Variants in HMGA2 observed in about 807,000 individuals in gnomAD.
The protein encoded by HMGA2 is high mobility group AT-hook 2, also known as high mobility group protein HMGI-C.
Under a neutral mutation model 19.1 loss-of-function variants are expected in HMGA2, and 8 were observed. The ratio of observed to expected loss-of-function variants is 0.42; its 90% CI spans 0.25 to 0.76. HMGA2 has a LOEUF of 0.76. Among genes scored for constraint, HMGA2 ranks in the 30% least tolerant of loss-of-function variants. The pLI is 0.28. For synonymous variants in HMGA2, 60 were observed against 48.8 expected, an observed-to-expected ratio of 1.23 and a Z score of -0.96; for missense variants, 109 against 136.3, an observed-to-expected ratio of 0.80 and a Z score of 1.00.
chr12:65,944,521 AG>A (rs1369078692), intron 3 of HMGA2, among the ~76,000 whole-genome samples: 1 of 152,156 alleles, frequency 6.6e-6, no homozygotes, highest in Non-Finnish European at 1.5e-5. Flanking sequence ...AATAAGTGTA[AG>A]GGGAAGGATC....
intron 3 of HMGA2, among the ~76,000 whole-genome samples, chr12:65,938,886 A>G (rs375472703): frequency 6.6e-6 from 1 of 151,790 alleles, no homozygotes; most frequent in Non-Finnish European, 1.5e-5. Flanking sequence ...CCGGCCTCGA[A>G]CTCCTAGGTT....
At chr12:65,931,923 AT>A (rs952452926) in intron 3 of HMGA2, among the ~76,000 whole-genome samples, 3 of 152,224 alleles carry the variant, frequency 2.0e-5, no homozygotes, top group Non-Finnish European at 2.9e-5. Flanking sequence ...TCTCAAAAAA[AT>A]AAAATAAATT....
rs1255900445 is a variant in HMGA2, at chr12:65,914,530, G to T, written c.250-36853G>T. Among the ~76,000 whole-genome samples, 9 of 150,576 alleles carry T rather than the reference G, an allele frequency of 6.0e-5. No homozygotes were observed. The East Asian group carries it at 1.8e-3, about 30-fold the overall frequency. The stretch of plus-strand genomic sequence containing the variant: ...AGGGGGGAGGGATAGCATTGGGAGA[G>T]ATACCTAATGCTAGATGACGAGTTA... On this transcript the variant is annotated intron_variant, in intron 3 of 4. Transcript: ENST00000403681.
chr12:65,835,210 A>G (rs1175332080), intron 2 of HMGA2, among the ~76,000 whole-genome samples: 2 of 152,206 alleles, frequency 1.3e-5, no homozygotes, highest in Admixed American at 6.5e-5. Context: ...AGCCTCCTGA[A>G]TGTTTTGTTT....
At chr12:65,904,731 A>G (rs1469400577) in intron 3 of HMGA2, among the ~76,000 whole-genome samples, 1 of 152,238 alleles carries the variant, frequency 6.6e-6, no homozygotes, top group African/African-American at 2.4e-5. Context: ...ATAACTCTAC[A>G]GCCAAGTCAG....
At chr12:65,956,741 G>C (rs1832837871) in intron 4 of HMGA2, 1 of 152,100 alleles carries the variant, frequency 6.6e-6, no homozygotes, top group South Asian at 2.1e-4. Context: ...TCTGTGTGGG[G>C]AAGTCTGTGG....
Position 65,964,424 on chromosome 12 carries a change from C to T in HMGA2, c.*1132C>T, listed in dbSNP as rs1392175749. On this transcript the variant is annotated 3_prime_UTR_variant, in exon 5 of 5. Coordinates refer to ENST00000403681, the MANE Select transcript of HMGA2 (RefSeq NM_003483.6). ...TACCTCAAATTAAGCATATGTGTTA[C>T]TTCAAGTAATACGTTTTGACATAAG... The T allele has an allele frequency of 9.0e-6, 2 of 221,994 alleles. No homozygotes were observed. Among genetic ancestry groups the T allele is most frequent in the Non-Finnish European group, 1.8e-5 (2 of 110,760 alleles). 13.8% of individuals were successfully genotyped at this position (221,994 alleles called of 1,614,324 possible).
intron 3 of HMGA2, among the ~76,000 whole-genome samples, chr12:65,862,280 C>CAT (rs1307065472): frequency 6.7e-6 from 1 of 149,774 alleles, no homozygotes; most frequent in Non-Finnish European, 1.5e-5. Context: ...GCACCATACA[C>CAT]ACACACACAC....
intron 4 of HMGA2, chr12:65,952,700 C>T: frequency 3.4e-6 from 1 of 292,412 alleles, no homozygotes; most frequent in Non-Finnish European, 6.3e-6. Context: ...GCCTCTCATC[C>T]TTTAACTGTA....
At chr12:65,948,094 G>A (rs950860475) in intron 3 of HMGA2, among the ~76,000 whole-genome samples, 4 of 152,206 alleles carry the variant, frequency 2.6e-5, no homozygotes, top group African/African-American at 9.6e-5. Context: ...GATCTCAGAC[G>A]ATTATTTAAA....
chr12:65,910,840 T>C (rs1329619147), intron 3 of HMGA2, among the ~76,000 whole-genome samples: 1 of 152,222 alleles, frequency 6.6e-6, no homozygotes, highest in Non-Finnish European at 1.5e-5. Flanking sequence ...ATACCCTTTG[T>C]TCCAAGCGTT....
At chr12:65,854,496 T>C (rs1592388743) in intron 3 of HMGA2, among the ~76,000 whole-genome samples, 1 of 152,228 alleles carries the variant, frequency 6.6e-6, no homozygotes, top group Admixed American at 6.5e-5. Context: ...CATGTACTTA[T>C]TTGTGTGTGT....
At chr12:65,838,393 C>CAAA in intron 2 of HMGA2, 126 bp from the exon 3 acceptor site, 20 of 592,842 alleles carry the variant, frequency 3.4e-5, no homozygotes, top group Admixed American at 1.0e-4. Context: ...TTAAAAAAAA[C>CAAA]AAAAAAAAAA....
At chr12:65,899,331 A>T (rs1307004445) in intron 3 of HMGA2, among the ~76,000 whole-genome samples, 1 of 152,202 alleles carries the variant, frequency 6.6e-6, no homozygotes, top group Non-Finnish European at 1.5e-5. Flanking sequence ...TATTCTCTAT[A>T]GTACCTACAT....
chr12:65,945,767 A>AT (rs1452614806), intron 3 of HMGA2, among the ~76,000 whole-genome samples: 1 of 152,094 alleles, frequency 6.6e-6, no homozygotes, highest in African/African-American at 2.4e-5. Context: ...ATTTTGGAAC[A>AT]TTTTTTCTAT....
At chr12:65,849,822 G>T (rs921976212) in intron 3 of HMGA2, among the ~76,000 whole-genome samples, 8 of 147,292 alleles carry the variant, frequency 5.4e-5, no homozygotes, top group Non-Finnish European at 1.0e-4. Flanking sequence ...GGGTTCAGGC[G>T]ATTCTTAAGC....
intron 3 of HMGA2, among the ~76,000 whole-genome samples, chr12:65,947,004 C>T (rs1490973231): frequency 6.6e-6 from 1 of 152,120 alleles, no homozygotes; most frequent in African/African-American, 2.4e-5. Flanking sequence ...TGTGGCTGAG[C>T]TAGTCCATTC....
At chr12:65,904,381 T>C (rs1874499318) in intron 3 of HMGA2, among the ~76,000 whole-genome samples, 2 of 152,250 alleles carry the variant, frequency 1.3e-5, no homozygotes, top group Admixed American at 6.5e-5. Flanking sequence ...ATTATCAGTA[T>C]GCCCTTACCA....
chr12:65,946,121 A>G (rs1480361959), intron 3 of HMGA2, among the ~76,000 whole-genome samples: 2 of 152,238 alleles, frequency 1.3e-5, no homozygotes, highest in Admixed American at 1.3e-4. Flanking sequence ...CTCATTGAGG[A>G]ATTTTTATAG....
Sources: allele counts gnomAD v4.1 joint callset (sites outside exome capture counted in the v4.1 genomes callset), GRCh38; gene constraint gnomAD v4.1.1; transcripts MANE v1.5; gene names NCBI Gene and HGNC (gene_info 2026-07-23, HGNC 2026-07-21).